Variants in FBXW8 observed in about 807,000 individuals in gnomAD.
The protein encoded by FBXW8 is F-box and WD repeat domain containing 8.
A neutral mutation model predicts 65.3 loss-of-function variants in FBXW8; 57 were observed. The observed-to-expected ratio is 0.87, with a 90% confidence interval of 0.71 to 1.09. The LOEUF (loss-of-function observed/expected upper bound fraction) is 1.09. Ranked by LOEUF, FBXW8 falls within the 50% of genes least tolerant of loss-of-function variation. The pLI, the probability that FBXW8 is intolerant of heterozygous loss-of-function variation, is 0.00. For missense variants in FBXW8, 777 were observed against 814.8 expected (o/e 0.95, Z 0.57); for synonymous variants, 308 against 330.2 (o/e 0.93, Z 0.73).
intron 6 of FBXW8, chr12:116,987,314 T>C (rs900915681): frequency 6.6e-6 from 1 of 152,274 alleles, no homozygotes; most frequent in African/African-American, 2.4e-5. Flanking sequence ...TTTTCATAAT[T>C]AGTGTGGCTC....
chr12:117,009,047 G>A (rs969527289), intron 7 of FBXW8, among the ~76,000 whole-genome samples: 3 of 152,124 alleles, frequency 2.0e-5, no homozygotes, highest in African/African-American at 7.2e-5. Context: ...CAGCCTGGGC[G>A]ATAGAGTGAG....
rs577190558 is a variant in FBXW8 at position 117,000,902 on chromosome 12, C to T, written c.1240-9421C>T. 4.6e-5 allele frequency among the ~76,000 whole-genome samples: 7 copies of T among 152,314 alleles called. No homozygotes were observed. In the Middle Eastern group the frequency reaches 0.01, roughly 222 times the overall value. On this transcript the variant is annotated intron_variant, in intron 7 of 10. Coordinates refer to ENST00000652555, the MANE Select transcript of FBXW8 (RefSeq NM_153348.3). The stretch of plus-strand genomic sequence containing the variant: ...ACATTGTGATATGGTCACAAAGTGG[C>T]GCAGGAATGACACGAGCTGCGCTCC...
At chr12:116,976,128 T>C (rs556274379) in intron 5 of FBXW8, among the ~76,000 whole-genome samples, 75 of 152,340 alleles carry the variant, frequency 4.9e-4, no homozygotes, top group African/African-American at 1.7e-3. Flanking sequence ...CAAAAAAGAC[T>C]ATCAAATTAC....
Position 116,935,032 on chromosome 12 carries a change from T to C in FBXW8, c.423+6905T>C, listed in dbSNP as rs78129330. On this transcript the variant is annotated intron_variant, in intron 2 of 10. Transcript: ENST00000652555. The stretch of plus-strand genomic sequence containing the variant: ...CAACTCCATAATTTTGTTTTCAGTT[T>C]TTTAATGTATATTTTAGTGCTTTGT... Among the ~76,000 whole-genome samples the C allele has an allele frequency of 7.6e-3, 1,153 of 152,346 alleles. 17 individuals are homozygous for C. The highest frequency in any genetic ancestry group is 0.026 in the African/African-American group (1,092 of 41,582).
In FBXW8 at chr12:117,028,158, T is replaced by TA; in HGVS notation, c.1784dup (p.Tyr595Ter). 6.2e-7 allele frequency: 1 copy of TA among 1,614,094 alleles called. No individual in the cohort carries two copies. The highest frequency in any genetic ancestry group is 8.5e-7 in the Non-Finnish European group (1 of 1,180,002). Residue 595 changes from tyrosine to a stop codon, truncating the protein, a stop_gained and frameshift_variant, in exon 11 of 11, where the codon TAT (tyrosine) becomes TAAT (stop). Transcript: ENST00000652555. LOFTEE classifies it high-confidence loss of function. This position sits in a 1 kb window ranked among gnomAD's most constrained non-coding sequence, Gnocchi z 4.1. ...HYYDLALAFP[Y>*]NHV is the part of the protein sequence containing the mutation. ...CTACGACCTCGCACTGGCCTTTCCC[T>TA]ATAACCATGTTTAGGGATGTGCCTC... is the stretch of plus-strand genomic sequence containing the variant.
chr12:116,982,767 G>A (rs1885403062), intron 5 of FBXW8, among the ~76,000 whole-genome samples: 1 of 152,028 alleles, frequency 6.6e-6, no homozygotes, highest in African/African-American at 2.4e-5. Flanking sequence ...AATGAAAAAT[G>A]TGTTTATAGA....
intron 8 of FBXW8, among the ~76,000 whole-genome samples, chr12:117,020,933 G>A (rs1954078791): frequency 6.6e-6 from 1 of 152,232 alleles, no homozygotes; most frequent in South Asian, 2.1e-4. Flanking sequence ...TTGCAACTAA[G>A]AGCAGTGACT....
At chr12:117,004,858 C>G (rs574426092) in intron 7 of FBXW8, among the ~76,000 whole-genome samples, 1 of 152,322 alleles carries the variant, frequency 6.6e-6, no homozygotes, top group African/African-American at 2.4e-5. Context: ...CTTGAATGCT[C>G]TCTTAACTTC....
At chr12:116,951,660 G>A (rs1883294408) in intron 4 of FBXW8, among the ~76,000 whole-genome samples, 1 of 152,184 alleles carries the variant, frequency 6.6e-6, no homozygotes, top group Non-Finnish European at 1.5e-5. Flanking sequence ...TTGATGGAGA[G>A]CAGAATCTCT....
intron 4 of FBXW8, among the ~76,000 whole-genome samples, chr12:116,956,717 C>T (rs750036381): frequency 2.0e-5 from 3 of 152,030 alleles, no homozygotes; most frequent in Non-Finnish European, 4.4e-5. Context: ...CCTGTACTCC[C>T]AGCACTTTGG....
In FBXW8 at chr12:116,915,689, G is replaced by A. The variant is rs568701657; in HGVS notation, c.318+4334G>A. Among the ~76,000 whole-genome samples the A allele has an allele frequency of 4.4e-5, 5 of 114,048 alleles. No homozygotes were observed. In the East Asian group the frequency reaches 1.4e-3, roughly 31 times the overall value. The allele number at this position is 114,048 out of a possible 152,430, so 74.8% of individuals were successfully genotyped here. A position where few individuals can be genotyped will look rare whatever the true frequency, so the allele number is the denominator to read the frequency against. On this transcript the variant is annotated intron_variant, in intron 1 of 10. Transcript: ENST00000652555. ...TTTTTGGGAGATAGAGTCTTACCCT[G>A]TAACCTAGGCTGGAGTGCGGTGGCA...
intron 7 of FBXW8, among the ~76,000 whole-genome samples, chr12:116,996,712 G>A (rs913483681): frequency 1.3e-5 from 2 of 152,034 alleles, no homozygotes. Flanking sequence ...CAGATAACTC[G>A]TGGAGACCAG....
At position 116,937,720 on chromosome 12, in the gene FBXW8, CTA is replaced by C. The variant is rs145051236; in HGVS notation, c.424-7642_424-7641del. On this transcript the variant is annotated intron_variant, in intron 2 of 10. Transcript: ENST00000652555. ...ACAGTGAGTGCATAGAGAGCTGTCT[CTA>C]TGTGGTGTGTCCTCCCACAGTAGAC... is the stretch of plus-strand genomic sequence containing the variant. Among the ~76,000 whole-genome samples the C allele has an allele frequency of 8.3e-3, 1,242 of 150,162 alleles. 53 individuals carry two copies. In the South Asian group the frequency reaches 0.1, roughly 13 times the overall value.
chr12:117,016,832 C>T (rs930506314), intron 8 of FBXW8, among the ~76,000 whole-genome samples: 8 of 152,162 alleles, frequency 5.3e-5, no homozygotes, highest in African/African-American at 1.7e-4. Context: ...GAGACCTAAA[C>T]TTCATTCTTT....
At chr12:117,018,175 A>T (rs1382769160) in intron 8 of FBXW8, among the ~76,000 whole-genome samples, 4 of 151,682 alleles carry the variant, frequency 2.6e-5, no homozygotes, top group Admixed American at 2.0e-4. Context: ...GCTACCGCCG[A>T]CTCCTATGGT....
At position 117,027,455 on chromosome 12, in the gene FBXW8, C is replaced by T; in HGVS notation, c.1603C>T (p.Gln535Ter). 1 of 1,614,174 alleles carries T rather than the reference C, an allele frequency of 6.2e-7. No individual in the cohort carries two copies. The highest frequency in any genetic ancestry group is 8.5e-7 in the Non-Finnish European group (1 of 1,180,028). The change falls in exon 10 of 11, where the codon CAG (glutamine) becomes TAG (stop). Residue 535 changes from glutamine (Q) to a stop codon, truncating the protein, a stop_gained. Transcript: ENST00000652555. LOFTEE classifies it high-confidence loss of function. ...HSLITANVPYQTVMRNADLDS... is the reference protein window; with the variant it reads ...HSLITANVPY ...CCTCATCACGGCCAACGTGCCTTAC[C>T]AGACGGTAATGCGAAACGCCGACCT...
rs575303807 is a variant in FBXW8 at position 116,937,191 on chromosome 12, C to T, written c.424-8173C>T. ...CACTGTTTACCGACAAGTAGCAGAC[C>T]ATGGAAGGAGCATGTGTGGGTATGG... is the stretch of plus-strand genomic sequence containing the variant. On this transcript the variant is annotated intron_variant, in intron 2 of 10. Transcript: ENST00000652555. 2.0e-5 allele frequency among the ~76,000 whole-genome samples: 3 copies of T among 152,224 alleles called. No individual in the cohort carries two copies. The South Asian group carries it at 6.2e-4, about 32-fold the overall frequency.
At chr12:117,010,093 G>A (rs920599944) in intron 7 of FBXW8, among the ~76,000 whole-genome samples, 5 of 152,166 alleles carry the variant, frequency 3.3e-5, no homozygotes, top group Non-Finnish European at 7.3e-5. Flanking sequence ...CTTGGCTTGA[G>A]GAATTCGCTG....
intron 7 of FBXW8, among the ~76,000 whole-genome samples, chr12:117,009,023 C>T (rs903709420): frequency 2.0e-5 from 3 of 152,036 alleles, no homozygotes; most frequent in Non-Finnish European, 4.4e-5. Flanking sequence ...GCCAAGATCG[C>T]GGCCACTGCA....
Sources: allele counts gnomAD v4.1 joint callset (sites outside exome capture counted in the v4.1 genomes callset), GRCh38; gene constraint gnomAD v4.1.1; non-coding constraint Gnocchi (gnomAD v3.1); transcripts MANE v1.5; gene names NCBI Gene and HGNC (gene_info 2026-07-23, HGNC 2026-07-21).